The following MAST4 variants were observed in gnomAD, a reference collection of about 807,000 sequenced individuals.
MAST4 encodes microtubule-associated serine/threonine-protein kinase 4.
In MAST4, 89 loss-of-function variants were observed where a neutral mutation model predicts 162.7. The observed-to-expected ratio is 0.55, with a 90% CI of 0.46 to 0.65. The LOEUF is 0.65. Ranked by LOEUF, MAST4 falls within the 30% of genes least tolerant of loss-of-function variation. The pLI is 0.00. For missense variants in MAST4, 3,153 were observed against 3,374.0 expected (o/e 0.93, Z 1.62); for synonymous variants, 1,479 against 1,361.1 (o/e 1.09, Z -1.91).
chr5:66,819,775 AT>A (rs33985795), intron 3 of MAST4, among the ~76,000 whole-genome samples: 68 of 137,226 alleles, frequency 5.0e-4, no homozygotes, highest in East Asian at 8.4e-4. Context: ...TCACTGTGGG[AT>A]TTTTTTTTTT....
chr5:66,796,812 G>A (rs1452290846), intron 3 of MAST4, among the ~76,000 whole-genome samples: 1 of 152,156 alleles, frequency 6.6e-6, no homozygotes, highest in African/African-American at 2.4e-5. Context: ...TCCATAGGGT[G>A]GTAAATGCCT....
Position 66,885,213 on chromosome 5 carries a change from A to G in MAST4, c.643-14738A>G, listed in dbSNP as rs559440897. On this transcript the variant is annotated intron_variant, in intron 3 of 28. Transcript: ENST00000403625. ...ATGCAGTGTGATATGGTGCATCACC[A>G]ATACTTGAAATAGACTGCAACAGGA... 1.0e-3 allele frequency among the ~76,000 whole-genome samples: 153 copies of G among 150,036 alleles called. 4 individuals are homozygous for G. The highest frequency in any genetic ancestry group is 0.01 in the Admixed American group (153 of 15,196).
chr5:67,091,542 C>A (rs1763866410), intron 6 of MAST4, among the ~76,000 whole-genome samples: 1 of 152,144 alleles, frequency 6.6e-6, no homozygotes, highest in Non-Finnish European at 1.5e-5. Context: ...AATAGTGCTA[C>A]TATTCCAAGT....
At chr5:66,652,136 G>T (rs1746265893) in intron 1 of MAST4, among the ~76,000 whole-genome samples, 2 of 152,134 alleles carry the variant, frequency 1.3e-5, no homozygotes, top group Middle Eastern at 3.2e-3. Flanking sequence ...GGGTAAAATT[G>T]TTTCCCTTTT....
chr5:66,625,599 T>C (rs986304515), intron 1 of MAST4, among the ~76,000 whole-genome samples: 1 of 152,120 alleles, frequency 6.6e-6, no homozygotes, highest in Non-Finnish European at 1.5e-5. Flanking sequence ...GCTCAACATC[T>C]TTCATCATCA....
At chr5:67,028,979 A>G (rs1185800976) in intron 4 of MAST4, among the ~76,000 whole-genome samples, 1 of 152,064 alleles carries the variant, frequency 6.6e-6, no homozygotes, top group Non-Finnish European at 1.5e-5. Flanking sequence ...AATAAAAGAT[A>G]AATAAATTCG....
intron 5 of MAST4, among the ~76,000 whole-genome samples, chr5:67,074,747 CTG>C (rs1375035328): frequency 6.6e-6 from 1 of 152,150 alleles, no homozygotes; most frequent in Non-Finnish European, 1.5e-5. Flanking sequence ...CGTGTATACA[CTG>C]TCAAAAAATA....
intron 4 of MAST4, among the ~76,000 whole-genome samples, chr5:67,024,818 T>G (rs1754439064): frequency 6.8e-6 from 1 of 148,022 alleles, no homozygotes; most frequent in Admixed American, 6.7e-5. Context: ...TGTTCTTTCT[T>G]TTGGGGATCC....
At chr5:66,837,730 G>GACT (rs1417578658) in intron 3 of MAST4, among the ~76,000 whole-genome samples, 3 of 151,386 alleles carry the variant, frequency 2.0e-5, no homozygotes, top group African/African-American at 7.3e-5. Flanking sequence ...GCTCTTAGGG[G>GACT]ACTAGGGGTC....
chr5:66,822,985 T>G (rs1193099656), intron 3 of MAST4, among the ~76,000 whole-genome samples: 1 of 152,128 alleles, frequency 6.6e-6, no homozygotes, highest in Admixed American at 6.5e-5. Flanking sequence ...AATCCCCATG[T>G]GTCAAGGGAG....
intron 4 of MAST4, among the ~76,000 whole-genome samples, chr5:66,984,449 C>G (rs1348164977): frequency 2.0e-5 from 3 of 152,084 alleles, no homozygotes; most frequent in African/African-American, 7.2e-5. Context: ...AAAGAAAGCA[C>G]TTGATATTTT....
intron 4 of MAST4, among the ~76,000 whole-genome samples, chr5:66,923,904 G>T (rs1325089218): frequency 1.3e-5 from 2 of 152,194 alleles, no homozygotes; most frequent in Non-Finnish European, 2.9e-5. Flanking sequence ...ATTGGGAAAT[G>T]GCATTCAGGA....
At chr5:66,952,213 G>A (rs1744793165) in intron 4 of MAST4, among the ~76,000 whole-genome samples, 1 of 152,164 alleles carries the variant, frequency 6.6e-6, no homozygotes, top group African/African-American at 2.4e-5. Context: ...AGAGACAGAT[G>A]AGGAAGAGAG....
chr5:67,020,736 T>C (rs1252733467), intron 4 of MAST4, among the ~76,000 whole-genome samples: 1 of 152,220 alleles, frequency 6.6e-6, no homozygotes, highest in East Asian at 1.9e-4. Flanking sequence ...ATACTTGGTT[T>C]CCTCATCTTT....
At position 67,167,085 on chromosome 5, in the gene MAST4, C is replaced by T; in HGVS notation, c.*34C>T. 1.3e-6 allele frequency: 2 copies of T among 1,507,200 alleles called. No homozygotes were observed. The highest frequency in any genetic ancestry group is 1.8e-6 in the Non-Finnish European group (2 of 1,125,126). The allele number at this position is 1,507,200 out of a possible 1,614,324, so 93.4% of individuals were successfully genotyped here. ...GCCCAGGGGCAGGACTGTGGAGACCCGTCCTGAACGGGCGACTGTGTCTTG... is the reference window on the plus strand; with the variant it reads ...GCCCAGGGGCAGGACTGTGGAGACCTGTCCTGAACGGGCGACTGTGTCTTG... On this transcript the variant is annotated 3_prime_UTR_variant, in exon 29 of 29. Coordinates refer to ENST00000403625, the MANE Select transcript of MAST4 (RefSeq NM_001164664.2).
At chr5:66,806,063 A>G (rs569382349) in intron 3 of MAST4, among the ~76,000 whole-genome samples, 197 of 152,350 alleles carry the variant, frequency 1.3e-3, no homozygotes, top group African/African-American at 4.6e-3. Flanking sequence ...GAAGCGAAAC[A>G]TTAATGACTG....
chr5:66,924,563 GC>G (rs1342504069), intron 4 of MAST4, among the ~76,000 whole-genome samples: 6 of 151,866 alleles, frequency 4.0e-5, no homozygotes, highest in African/African-American at 1.5e-4. Flanking sequence ...CCACCACCGC[GC>G]CCGGCTAATT....
chr5:66,782,059 T>G (rs1754896790), intron 2 of MAST4, among the ~76,000 whole-genome samples: 1 of 151,518 alleles, frequency 6.6e-6, no homozygotes, highest in Admixed American at 6.6e-5. Flanking sequence ...GAGGCTGAGG[T>G]GGGTGGATCA....
intron 3 of MAST4, among the ~76,000 whole-genome samples, chr5:66,849,355 C>T (rs987690076): frequency 6.6e-5 from 10 of 152,120 alleles, no homozygotes; most frequent in South Asian, 2.1e-4. Flanking sequence ...GGAGTCTCTC[C>T]GTTTGTTGGC....
Sources: gnomAD v4.1 joint callset for allele counts (sites outside exome capture counted in the v4.1 genomes callset) on GRCh38, gnomAD v4.1.1 for gene constraint, MANE v1.5 for transcripts, NCBI Gene and HGNC (gene_info 2026-07-23, HGNC 2026-07-21) for gene names.